Variants in LGSN observed in about 807,000 individuals in gnomAD.
The protein encoded by LGSN is lengsin, lens protein with glutamine synthetase domain.
In LGSN, 21 loss-of-function variants were observed where a neutral mutation model predicts 19.5. That is an observed-to-expected ratio of 1.07 (90% CI 0.76 to 1.55). LGSN has a LOEUF of 1.55. Among genes scored for constraint, LGSN ranks in the 40% most tolerant of loss-of-function variants. LGSN has a pLI of 0.00. For synonymous variants in LGSN, 257 were observed against 215.6 expected (o/e 1.19, Z -1.68); for missense variants, 673 against 608.5 (o/e 1.11, Z -1.12).
At chr6:63,430,736 G>A in the LGSN span, among the ~76,000 whole-genome samples, 2 of 152,120 alleles carry the variant, frequency 1.3e-5, no homozygotes, top group African/African-American at 4.8e-5. Flanking sequence ...TCCCTGCCAA[G>A]AGTCCAACAA....
At chr6:63,315,799 C>G (rs781264435) in intron 1 of LGSN, among the ~76,000 whole-genome samples, 3 of 150,664 alleles carry the variant, frequency 2.0e-5, no homozygotes, top group Non-Finnish European at 4.4e-5. Context: ...GTTTACAACT[C>G]TTATTTCATC....
chr6:63,305,269 C>T (rs1173556814), intron 1 of LGSN, among the ~76,000 whole-genome samples: 1 of 152,068 alleles, frequency 6.6e-6, no homozygotes, highest in Non-Finnish European at 1.5e-5. Context: ...TTTCCATATT[C>T]CCACCTTACA....
the LGSN span, among the ~76,000 whole-genome samples, chr6:63,432,174 G>A: frequency 1.7e-3 from 38 of 22,616 alleles, 2 homozygotes; most frequent in African/African-American, 5.6e-3. Flanking sequence ...AGAAAGAAAA[G>A]GAAAGAAAGA....
the LGSN span, among the ~76,000 whole-genome samples, chr6:63,410,887 C>A: frequency 1.8e-4 from 27 of 152,248 alleles, no homozygotes; most frequent in East Asian, 1.9e-3. Context: ...TCCAAACATA[C>A]CACTTCCTCA....
At chr6:63,347,061 T>C in the LGSN span, among the ~76,000 whole-genome samples, 1 of 152,124 alleles carries the variant, frequency 6.6e-6, no homozygotes, top group Non-Finnish European at 1.5e-5. Context: ...GGCACTCCTA[T>C]CATCCAGGAA....
the LGSN span, among the ~76,000 whole-genome samples, chr6:63,524,454 C>T: frequency 6.6e-6 from 1 of 151,954 alleles, no homozygotes; most frequent in Non-Finnish European, 1.5e-5. Flanking sequence ...CTTTATTATA[C>T]CTTGAGTTTA....
the LGSN span, among the ~76,000 whole-genome samples, chr6:63,455,477 G>C: frequency 6.6e-6 from 1 of 151,844 alleles, no homozygotes; most frequent in Admixed American, 6.6e-5. Flanking sequence ...TTTGTGAGTG[G>C]GGCGAGGTGG....
At chr6:63,532,960 T>C in the LGSN span, among the ~76,000 whole-genome samples, 1 of 152,360 alleles carries the variant, frequency 6.6e-6, no homozygotes, top group South Asian at 2.1e-4. Context: ...CTTCATCCTA[T>C]GGCATGGGAA....
the LGSN span, among the ~76,000 whole-genome samples, chr6:63,485,283 G>A: frequency 6.6e-6 from 1 of 152,052 alleles, no homozygotes; most frequent in African/African-American, 2.4e-5. Context: ...GAGAACATGT[G>A]GCATTTGGTT....
chr6:63,466,677 A>C, the LGSN span, among the ~76,000 whole-genome samples: 5 of 152,206 alleles, frequency 3.3e-5, no homozygotes, highest in East Asian at 1.9e-4. Flanking sequence ...AAGAGAAAGT[A>C]AAGTCAAGTA....
chr6:63,412,418 G>A, the LGSN span, among the ~76,000 whole-genome samples: 2 of 95,058 alleles, frequency 2.1e-5, no homozygotes, highest in African/African-American at 5.9e-5. Flanking sequence ...AAAGAAAGAA[G>A]AAAGAAAGAA....
At chr6:63,300,986 A>G (rs1456996961) in intron 1 of LGSN, among the ~76,000 whole-genome samples, 2 of 152,204 alleles carry the variant, frequency 1.3e-5, no homozygotes, top group South Asian at 2.1e-4. Context: ...ATATGTAATT[A>G]TAACTACTAA....
the LGSN span, chr6:63,549,605 C>T: frequency 3.6e-6 from 2 of 555,770 alleles, no homozygotes; most frequent in Non-Finnish European, 6.3e-6. Context: ...GATATATATA[C>T]ACAATGGAAT....
the LGSN span, among the ~76,000 whole-genome samples, chr6:63,482,718 G>A: frequency 6.6e-6 from 1 of 151,750 alleles, no homozygotes; most frequent in East Asian, 1.9e-4. Flanking sequence ...TCTTTTTTTT[G>A]GAGACAGGAT....
chr6:63,509,509 A>G, the LGSN span, among the ~76,000 whole-genome samples: 5 of 152,222 alleles, frequency 3.3e-5, no homozygotes, highest in African/African-American at 1.2e-4. Context: ...AGAAATCGAC[A>G]TTAAAATAAA....
chr6:63,356,982 T>TCCCCCCA, the LGSN span, among the ~76,000 whole-genome samples: 1 of 55,042 alleles, frequency 1.8e-5, no homozygotes, highest in Non-Finnish European at 3.5e-5. Context: ...CCCTCCCCCC[T>TCCCCCCA]CCCCCCACCC....
chr6:63,350,888 T>C, the LGSN span, among the ~76,000 whole-genome samples: 175 of 151,476 alleles, frequency 1.2e-3, no homozygotes, highest in African/African-American at 4.1e-3. Context: ...AGACGACCAA[T>C]TGGTAAGTAA....
the LGSN span, among the ~76,000 whole-genome samples, chr6:63,348,852 A>C: frequency 6.6e-6 from 1 of 151,610 alleles, no homozygotes; most frequent in Admixed American, 6.6e-5. Flanking sequence ...CGCCTTCCTA[A>C]AGCACTGAGA....
the LGSN span, among the ~76,000 whole-genome samples, chr6:63,338,439 A>G: frequency 6.6e-6 from 1 of 152,058 alleles, no homozygotes; most frequent in Non-Finnish European, 1.5e-5. Context: ...TAGGTTATAT[A>G]TGTTCAGGAA....
Sources: gnomAD v4.1 joint callset for allele counts (sites outside exome capture counted in the v4.1 genomes callset) on GRCh38, gnomAD v4.1.1 for gene constraint, MANE v1.5 for transcripts, NCBI Gene and HGNC (gene_info 2026-07-23, HGNC 2026-07-21) for gene names.